KCNT2: variants seen among roughly 807,000 people sequenced by gnomAD.
KCNT2 encodes potassium sodium-activated channel subfamily T member 2, also known as potassium channel subfamily T member 2.
KCNT2 carries 67 observed loss-of-function variants against 153.8 expected under a neutral mutation model. The observed-to-expected ratio is 0.44, with a 90% CI of 0.36 to 0.53. KCNT2 has a LOEUF of 0.53. Ranked by LOEUF, KCNT2 falls within the 20% of genes least tolerant of loss-of-function variation. The pLI is 0.00. For missense variants in KCNT2, 975 were observed against 1,354.8 expected (o/e 0.72, Z 4.40); for synonymous variants, 500 against 458.8 (o/e 1.09, Z -1.15).
chr1:196,588,271 G>GAAA, intron 1 of KCNT2, among the ~76,000 whole-genome samples: 1 of 150,106 alleles, frequency 6.7e-6, no homozygotes, highest in South Asian at 2.1e-4. Context: ...AAATAGATGG[G>GAAA]AAAAAAAAAC....
At chr1:196,402,870 C>T (rs1299395860) in intron 12 of KCNT2, among the ~76,000 whole-genome samples, 1 of 151,574 alleles carries the variant, frequency 6.6e-6, no homozygotes, top group African/African-American at 2.4e-5. Context: ...TAAGACATCA[C>T]TAAACACTTT....
At chr1:196,571,256 G>A (rs969202246) in intron 1 of KCNT2, among the ~76,000 whole-genome samples, 3 of 152,018 alleles carry the variant, frequency 2.0e-5, no homozygotes, top group Non-Finnish European at 4.4e-5. Context: ...AAAATGCTTA[G>A]GGGTCCATTT....
intron 26 of KCNT2, among the ~76,000 whole-genome samples, chr1:196,255,774 G>A (rs76277041): frequency 0.039 from 5,997 of 151,952 alleles, 180 homozygotes; most frequent in South Asian, 0.082. Context: ...AATTACAAGT[G>A]AAATATTGTG....
chr1:196,275,704 T>A (rs1029099569), intron 25 of KCNT2, among the ~76,000 whole-genome samples: 2 of 151,736 alleles, frequency 1.3e-5, no homozygotes, highest in African/African-American at 4.8e-5. Context: ...TTAAAAGTAT[T>A]TTTTTTTCCA....
intron 21 of KCNT2, among the ~76,000 whole-genome samples, chr1:196,307,496 T>C (rs906702212): frequency 6.6e-6 from 1 of 152,130 alleles, no homozygotes; most frequent in Non-Finnish European, 1.5e-5. Context: ...GTTGGTTTTA[T>C]TCATGCCTTA....
At chr1:196,257,036 C>G (rs1341239804) in intron 26 of KCNT2, 1 of 153,272 alleles carries the variant, frequency 6.5e-6, no homozygotes, top group East Asian at 1.9e-4. Flanking sequence ...AAGTAAGTAT[C>G]ATATAATTAT....
At chr1:196,275,136 T>C (rs1658432616) in intron 25 of KCNT2, among the ~76,000 whole-genome samples, 1 of 151,828 alleles carries the variant, frequency 6.6e-6, no homozygotes, top group African/African-American at 2.4e-5. Context: ...CTTTTGACAT[T>C]TTATACTTTT....
At chr1:196,302,252 T>C (rs1391402731) in intron 22 of KCNT2, among the ~76,000 whole-genome samples, 1 of 152,126 alleles carries the variant, frequency 6.6e-6, no homozygotes, top group African/African-American at 2.4e-5. Flanking sequence ...AAAATCTCCT[T>C]GCACCCAGAA....
chr1:196,307,415 A>T (rs992410239), intron 21 of KCNT2, among the ~76,000 whole-genome samples: 1 of 152,054 alleles, frequency 6.6e-6, no homozygotes, highest in Non-Finnish European at 1.5e-5. Context: ...ACTCAGAATC[A>T]TTCTCTCCAG....
intron 26 of KCNT2, among the ~76,000 whole-genome samples, chr1:196,243,004 C>T (rs1176367809): frequency 2.0e-5 from 3 of 152,116 alleles, no homozygotes; most frequent in Non-Finnish European, 4.4e-5. Context: ...GCAACTACTA[C>T]CATAATTATG....
At chr1:196,473,638 T>C (rs757181959) in intron 5 of KCNT2, among the ~76,000 whole-genome samples, 3 of 152,218 alleles carry the variant, frequency 2.0e-5, no homozygotes, top group Admixed American at 6.5e-5. Flanking sequence ...TTCAGTTATA[T>C]GCATTGAGTT....
intron 23 of KCNT2, among the ~76,000 whole-genome samples, chr1:196,285,350 T>C (rs1238916352): frequency 6.6e-6 from 1 of 152,138 alleles, no homozygotes; most frequent in Non-Finnish European, 1.5e-5. Context: ...TTAAATCCAG[T>C]AATATGCTTG....
At chr1:196,234,745 A>G (rs966929717) in intron 27 of KCNT2, among the ~76,000 whole-genome samples, 4 of 151,526 alleles carry the variant, frequency 2.6e-5, no homozygotes, top group African/African-American at 9.7e-5. Context: ...TATTATGCTC[A>G]GCATAACAAA....
chr1:196,363,543 A>G (rs1316692133), intron 14 of KCNT2, among the ~76,000 whole-genome samples: 1 of 152,144 alleles, frequency 6.6e-6, no homozygotes, highest in Non-Finnish European at 1.5e-5. Context: ...GTGGGGCCTA[A>G]TAAGGCCTTA....
intron 1 of KCNT2, among the ~76,000 whole-genome samples, chr1:196,567,531 A>G (rs948678629): frequency 6.6e-6 from 1 of 152,172 alleles, no homozygotes; most frequent in Non-Finnish European, 1.5e-5. Flanking sequence ...AGGAAGTACA[A>G]AAGATGAGGT....
At chr1:196,332,150 C>T (rs1054125955) in intron 17 of KCNT2, among the ~76,000 whole-genome samples, 2 of 152,102 alleles carry the variant, frequency 1.3e-5, no homozygotes, top group Admixed American at 6.6e-5. Flanking sequence ...AGATGCAAAT[C>T]AGCATTTTCA....
chr1:196,587,794 C>G (rs73069765), intron 1 of KCNT2, among the ~76,000 whole-genome samples: 1 of 151,830 alleles, frequency 6.6e-6, no homozygotes, highest in Non-Finnish European at 1.5e-5. Context: ...AAATTGACTA[C>G]GCAATGGCAT....
intron 14 of KCNT2, among the ~76,000 whole-genome samples, chr1:196,362,521 T>C (rs1360268106): frequency 6.6e-6 from 1 of 152,046 alleles, no homozygotes; most frequent in Non-Finnish European, 1.5e-5. Flanking sequence ...AAAGTTCTGC[T>C]TGGAATTTGG....
At chr1:196,555,650 T>A (rs1450929810) in intron 1 of KCNT2, among the ~76,000 whole-genome samples, 1 of 150,738 alleles carries the variant, frequency 6.6e-6, no homozygotes, top group Non-Finnish European at 1.5e-5. Context: ...TAAAAAAATA[T>A]ATAAAATTTA....
Sources: gnomAD v4.1 joint callset for allele counts (sites outside exome capture counted in the v4.1 genomes callset) on GRCh38, gnomAD v4.1.1 for gene constraint, MANE v1.5 for transcripts, NCBI Gene and HGNC (gene_info 2026-07-23, HGNC 2026-07-21) for gene names.